Variants in PRR16 observed in about 807,000 individuals in gnomAD.
PRR16 encodes the protein protein Largen.
Under a neutral mutation model 18.2 loss-of-function variants are expected in PRR16, and 6 were observed. The observed-to-expected ratio is 0.33, with a 90% CI of 0.18 to 0.65. PRR16 has a LOEUF of 0.65. Ranked by LOEUF, PRR16 falls within the 30% of genes least tolerant of loss-of-function variation. The pLI, the probability that PRR16 is intolerant of heterozygous loss-of-function variation, is 0.74. For missense variants in PRR16, 412 were observed against 376.6 expected (o/e 1.09, Z -0.78); for synonymous variants, 151 against 147.8 (o/e 1.02, Z -0.16).
At chr5:120,694,301 A>ACC in the PRR16 span, among the ~76,000 whole-genome samples, 1 of 152,228 alleles carries the variant, frequency 6.6e-6, no homozygotes, top group Admixed American at 6.5e-5. Flanking sequence ...GGTAAGCCTA[A>ACC]TAATTCTCTT....
the PRR16 span, among the ~76,000 whole-genome samples, chr5:120,741,890 C>T: frequency 3.9e-5 from 6 of 152,262 alleles, no homozygotes; most frequent in East Asian, 5.8e-4. Flanking sequence ...CATGAGCCAC[C>T]GCACCAGGCC....
chr5:120,673,330 C>T (rs536678613), intron 1 of PRR16, among the ~76,000 whole-genome samples: 40 of 152,294 alleles, frequency 2.6e-4, no homozygotes, highest in African/African-American at 8.4e-4. Context: ...GGCATTTCTA[C>T]GTATTTCAAG....
intron 1 of PRR16, among the ~76,000 whole-genome samples, chr5:120,585,363 A>C (rs1280721476): frequency 1.3e-5 from 2 of 152,158 alleles, no homozygotes; most frequent in African/African-American, 4.8e-5. Flanking sequence ...TAATCCCAGC[A>C]CTTTGGGAGG....
In PRR16 at chr5:120,594,121, T is replaced by G. The variant is rs578164595; in HGVS notation, c.160-91833T>G. On this transcript the variant is annotated intron_variant, in intron 1 of 1. Transcript: ENST00000407149. ...TAAGGATGCCCTCTCTCACCACACC[T>G]ATTAAACATAGTATTGGAAGTCCTG... 1.3e-4 allele frequency among the ~76,000 whole-genome samples: 20 copies of G among 152,158 alleles called. No individual in the cohort carries two copies. In the South Asian group the frequency reaches 3.7e-3, roughly 28 times the overall value.
At chr5:120,467,370 A>G (rs1349997189) in intron 1 of PRR16, among the ~76,000 whole-genome samples, 1 of 152,184 alleles carries the variant, frequency 6.6e-6, no homozygotes, top group Non-Finnish European at 1.5e-5. Flanking sequence ...TTATGACTAT[A>G]TCACTATGGC....
In PRR16 at chr5:120,660,625, A is replaced by T. The variant is rs116023990; in HGVS notation, c.160-25329A>T. Among the ~76,000 whole-genome samples, 684 of 152,152 alleles carry T rather than the reference A, an allele frequency of 4.5e-3. 7 individuals carry two copies. The highest frequency in any genetic ancestry group is 0.015 in the African/African-American group (642 of 41,556). ...GCTTTTCTTTTCTTATTTAAATGACACAGATACAACAAAACCCCTGATTCC... is the reference window on the plus strand; with the variant it reads ...GCTTTTCTTTTCTTATTTAAATGACTCAGATACAACAAAACCCCTGATTCC... On this transcript the variant is annotated intron_variant, in intron 1 of 1. Coordinates refer to ENST00000407149, the MANE Select transcript of PRR16 (RefSeq NM_001300783.2).
chr5:120,715,699 T>C, the PRR16 span, among the ~76,000 whole-genome samples: 7 of 152,142 alleles, frequency 4.6e-5, no homozygotes, highest in African/African-American at 1.7e-4. Flanking sequence ...AAAATCAAAA[T>C]AAATTAAACT....
intron 1 of PRR16, among the ~76,000 whole-genome samples, chr5:120,562,767 A>G (rs113841284): frequency 6.6e-6 from 1 of 152,174 alleles, no homozygotes; most frequent in Non-Finnish European, 1.5e-5. Flanking sequence ...AATTAAAACT[A>G]ATAAAAACTC....
chr5:120,541,464 G>C (rs879787598), intron 1 of PRR16, among the ~76,000 whole-genome samples: 3 of 152,096 alleles, frequency 2.0e-5, no homozygotes, highest in Non-Finnish European at 4.4e-5. Flanking sequence ...TTTTTTAAAA[G>C]CCTGAATGTT....
intron 1 of PRR16, among the ~76,000 whole-genome samples, chr5:120,546,096 T>C (rs1224931759): frequency 6.6e-6 from 1 of 152,062 alleles, no homozygotes; most frequent in Non-Finnish European, 1.5e-5. Context: ...ATTTTACTAG[T>C]AAGGAAGCTG....
At chr5:120,631,392 C>T (rs1169884027) in intron 1 of PRR16, among the ~76,000 whole-genome samples, 2 of 152,126 alleles carry the variant, frequency 1.3e-5, no homozygotes, top group Non-Finnish European at 2.9e-5. Context: ...CACTGAAAAA[C>T]TGTGAATCGG....
chr5:120,788,131 A>C, the PRR16 span, among the ~76,000 whole-genome samples: 1 of 152,026 alleles, frequency 6.6e-6, no homozygotes, highest in Admixed American at 6.6e-5. Flanking sequence ...TCATTTTAAC[A>C]TATTATATTT....
chr5:120,559,344 A>G (rs1270849955), intron 1 of PRR16, among the ~76,000 whole-genome samples: 1 of 151,776 alleles, frequency 6.6e-6, no homozygotes, highest in African/African-American at 2.4e-5. Context: ...GTAAGGGTCT[A>G]GTTTCATTCA....
At chr5:120,467,336 C>G (rs1003788658) in intron 1 of PRR16, among the ~76,000 whole-genome samples, 13 of 152,164 alleles carry the variant, frequency 8.5e-5, no homozygotes, top group African/African-American at 3.1e-4. Flanking sequence ...TAACTTGCAA[C>G]AGAAATTAAA....
chr5:120,594,263 A>G lies in PRR16; in HGVS notation c.160-91691A>G, dbSNP rs542696614. Among the ~76,000 whole-genome samples the G allele has an allele frequency of 2.0e-5, 3 of 150,934 alleles. No homozygotes were observed. The South Asian group carries it at 6.2e-4, about 31-fold the overall frequency. On this transcript the variant is annotated intron_variant, in intron 1 of 1. Coordinates refer to ENST00000407149, the MANE Select transcript of PRR16 (RefSeq NM_001300783.2). ...TATATCTAGAAAACCCCATAGTTTC[A>G]GGATACAAGATCAACGTCCAAAGTC... is the stretch of plus-strand genomic sequence containing the variant.
At chr5:120,737,363 AT>A in the PRR16 span, among the ~76,000 whole-genome samples, 6 of 42,560 alleles carry the variant, frequency 1.4e-4, no homozygotes, top group East Asian at 9.1e-4. Context: ...AATTTTGTCA[AT>A]TTTTTTTTGC....
the PRR16 span, among the ~76,000 whole-genome samples, chr5:120,702,888 G>C: frequency 6.6e-6 from 1 of 152,132 alleles, no homozygotes; most frequent in African/African-American, 2.4e-5. Context: ...TCTTTCTCAG[G>C]GAGCAAAGAA....
chr5:120,779,378 A>G, the PRR16 span, among the ~76,000 whole-genome samples: 3 of 152,280 alleles, frequency 2.0e-5, no homozygotes, highest in South Asian at 4.1e-4. Context: ...GGTTGATGGA[A>G]ACATTCTGAA....
chr5:120,704,674 T>G, the PRR16 span, among the ~76,000 whole-genome samples: 1 of 152,164 alleles, frequency 6.6e-6, no homozygotes. Flanking sequence ...CCTGGACCAA[T>G]TAAATCAGAA....
Sources: allele counts gnomAD v4.1 joint callset (sites outside exome capture counted in the v4.1 genomes callset), GRCh38; gene constraint gnomAD v4.1.1; transcripts MANE v1.5; gene names NCBI Gene and HGNC (gene_info 2026-07-23, HGNC 2026-07-21).